ABCA12: variants seen among roughly 807,000 people sequenced by gnomAD.
ABCA12 encodes the protein glucosylceramide transporter ABCA12.
In ABCA12, 156 loss-of-function variants were observed where a neutral mutation model predicts 293.5. The observed-to-expected ratio is 0.53, with a 90% CI of 0.47 to 0.61. The LOEUF is 0.61. Among genes scored for constraint, ABCA12 ranks in the 20% least tolerant of loss-of-function variants. The pLI is 0.00. For missense variants in ABCA12, 2,797 were observed against 3,090.2 expected (o/e 0.91, Z 2.25); for synonymous variants, 1,063 against 1,108.0 (o/e 0.96, Z 0.81).
intron 36 of ABCA12, among the ~76,000 whole-genome samples, chr2:214,971,164 G>A (rs953822314): frequency 2.0e-5 from 3 of 152,008 alleles, no homozygotes; most frequent in Non-Finnish European, 4.4e-5. Flanking sequence ...AGTTTAGTAT[G>A]GGAAAAGTCT....
intron 2 of ABCA12, among the ~76,000 whole-genome samples, chr2:215,096,007 T>C (rs761617788): frequency 4.4e-4 from 67 of 152,258 alleles, no homozygotes; most frequent in South Asian, 2.3e-3. Flanking sequence ...TGTTTGGTGG[T>C]CTCTTCACAC....
chr2:215,044,112 G>T (rs982113929), intron 7 of ABCA12, among the ~76,000 whole-genome samples: 4 of 151,950 alleles, frequency 2.6e-5, no homozygotes, highest in African/African-American at 9.7e-5. Context: ...CTATTATCAA[G>T]AAATAAACAT....
chr2:215,040,771 C>G (rs1472042683), intron 7 of ABCA12, among the ~76,000 whole-genome samples: 1 of 152,060 alleles, frequency 6.6e-6, no homozygotes, highest in Non-Finnish European at 1.5e-5. Flanking sequence ...GAGATCATAC[C>G]ACTGCACTCC....
At chr2:215,111,178 G>T (rs563730776) in intron 2 of ABCA12, among the ~76,000 whole-genome samples, 1 of 152,318 alleles carries the variant, frequency 6.6e-6, no homozygotes, top group Admixed American at 6.5e-5. Context: ...CAGCCCTAAA[G>T]AGAGAGAAGG....
chr2:215,084,125 G>A (rs748273550), intron 2 of ABCA12, among the ~76,000 whole-genome samples: 2 of 151,928 alleles, frequency 1.3e-5, no homozygotes, highest in Non-Finnish European at 2.9e-5. Flanking sequence ...CTACAGACAC[G>A]TACCACCACA....
Position 215,045,988 on chromosome 2 carries a change from T to C in ABCA12, c.721A>G (p.Ile241Val). 6.2e-7 allele frequency: 1 copy of C among 1,613,676 alleles called. No homozygotes were observed. Among genetic ancestry groups the C allele is most frequent in the Non-Finnish European group, 8.5e-7 (1 of 1,179,764 alleles). ...ATTCTGACTATTTCCTGAAACACTATCTTCTGATTGTTGGGGTCACTGGAT... is the reference window on the plus strand; with the variant it reads ...ATTCTGACTATTTCCTGAAACACTACCTTCTGATTGTTGGGGTCACTGGAT... ...QLSSDPNNQK[I>V]VFQEIVRMLS... is the part of the protein sequence containing the mutation. Residue 241 changes from isoleucine to valine, a missense_variant, in exon 7 of 53, where the codon ATA (isoleucine) becomes GTA (valine). Around this residue, in one of 3 missense-constraint regions of ABCA12, gnomAD observed 656 missense variants for 638.2 expected, o/e 1.03. Transcript: ENST00000272895.
At chr2:214,990,347 G>A (rs1001547435) in intron 24 of ABCA12, among the ~76,000 whole-genome samples, 2 of 152,140 alleles carry the variant, frequency 1.3e-5, no homozygotes, top group African/African-American at 4.8e-5. Flanking sequence ...CATGAAAATT[G>A]TTCACATATG....
chr2:214,949,377 T>TATATATAC (rs1021376185), intron 45 of ABCA12, among the ~76,000 whole-genome samples: 1 of 143,074 alleles, frequency 7.0e-6, no homozygotes, highest in African/African-American at 2.7e-5. Context: ...TATATATATA[T>TATATATAC]ACACACACAC....
chr2:215,064,048 C>T lies in ABCA12; in HGVS notation c.317+18G>A. 8.1e-6 allele frequency: 13 copies of T among 1,612,378 alleles called. No individual in the cohort carries two copies. The highest frequency in any genetic ancestry group is 1.1e-5 in the South Asian group (1 of 91,070). ...TGATCTCTCAGAACAATTGAACACA[C>T]TTGAGAAGTGCCCCCACCTGTCTTT... On this transcript the variant is annotated intron_variant, in intron 3 of 52. Coordinates refer to ENST00000272895, the MANE Select transcript of ABCA12 (RefSeq NM_173076.3).
chr2:214,981,965 TATTATTA>T (rs1559128693), intron 30 of ABCA12, among the ~76,000 whole-genome samples: 3,959 of 124,742 alleles, frequency 0.032, 190 homozygotes, highest in African/African-American at 0.08. Context: ...TTATTATTAT[TATTATTA>T]TTATTATTAT....
intron 41 of ABCA12, among the ~76,000 whole-genome samples, chr2:214,957,103 T>C (rs1435688073): frequency 6.6e-6 from 1 of 152,210 alleles, no homozygotes; most frequent in African/African-American, 2.4e-5. Context: ...GACAGCCAGG[T>C]ATCTTGGTAT....
At chr2:215,077,258 A>C (rs1701852694) in intron 2 of ABCA12, among the ~76,000 whole-genome samples, 1 of 152,190 alleles carries the variant, frequency 6.6e-6, no homozygotes, top group Non-Finnish European at 1.5e-5. Context: ...CAATTTTCTT[A>C]ATAATGATGT....
chr2:215,109,777 G>T (rs1218425856), intron 2 of ABCA12, among the ~76,000 whole-genome samples: 1 of 152,018 alleles, frequency 6.6e-6, no homozygotes, highest in Non-Finnish European at 1.5e-5. Flanking sequence ...ATTTAAGACT[G>T]CTCATTCAAA....
At chr2:214,961,293 T>A (rs1031355296) in intron 39 of ABCA12, among the ~76,000 whole-genome samples, 1 of 152,118 alleles carries the variant, frequency 6.6e-6, no homozygotes, top group Non-Finnish European at 1.5e-5. Flanking sequence ...TCTATATAAC[T>A]CAAGCTACAT....
chr2:215,078,791 T>C (rs1007714724), intron 2 of ABCA12, among the ~76,000 whole-genome samples: 7 of 152,222 alleles, frequency 4.6e-5, no homozygotes, highest in African/African-American at 1.7e-4. Context: ...AGTCACTCTA[T>C]CTTTATTTTG....
At chr2:215,011,349 C>T in intron 17 of ABCA12, 90 bp downstream of exon 17, 1 of 975,754 alleles carries the variant, frequency 1.0e-6, no homozygotes, top group Non-Finnish European at 1.6e-6. Context: ...AAAATTAATA[C>T]TTCATTTATC....
chr2:214,980,397 G>A, intron 31 of ABCA12, 86 bp downstream of exon 31: 3 of 1,546,772 alleles, frequency 1.9e-6, no homozygotes, highest in Non-Finnish European at 2.7e-6. Context: ...TTTTAGCAAT[G>A]AATAAAGTTG....
Position 215,138,503 on chromosome 2 carries a change from G to A in ABCA12, c.-295C>T, listed in dbSNP as rs1575068761. ...TTAAAATAATATCCAGTTGCTGCTT[G>A]TTGCACGAAGTCCAGACTCAAGAGA... On this transcript the variant is annotated 5_prime_UTR_variant, in exon 1 of 53. Transcript: ENST00000272895. 3 of 399,940 alleles carry A rather than the reference G, an allele frequency of 7.5e-6. No individual in the cohort carries two copies. Among genetic ancestry groups the A allele is most frequent in the Admixed American group, 7.3e-5 (2 of 27,368 alleles). The allele number at this position is 399,940 out of a possible 1,614,324, so 24.8% of individuals were successfully genotyped here.
intron 1 of ABCA12, among the ~76,000 whole-genome samples, chr2:215,134,506 GTATGTATATGTGTATA>G (rs1703150919): frequency 1.0e-5 from 1 of 98,658 alleles, no homozygotes; most frequent in South Asian, 2.8e-4. Context: ...ACATATATGC[GTATGTATATGTGTATA>G]TATACGTATA....
Sources: gnomAD v4.1 joint callset for allele counts (sites outside exome capture counted in the v4.1 genomes callset) on GRCh38, gnomAD v4.1.1 for gene constraint, gnomAD v4.1.1 regional missense constraint, MANE v1.5 for transcripts, NCBI Gene and HGNC (gene_info 2026-07-23, HGNC 2026-07-21) for gene names.